CLIP1: variants seen among roughly 807,000 people sequenced by gnomAD.
CLIP1 encodes the protein CAP-Gly domain containing linker protein 1, also known as CAP-Gly domain-containing linker protein 1.
A neutral mutation model predicts 161.6 loss-of-function variants in CLIP1; 66 were observed. The ratio of observed to expected loss-of-function variants is 0.41; its 90% CI spans 0.33 to 0.50. The LOEUF (loss-of-function observed/expected upper bound fraction) is 0.50, where lower values mean the gene tolerates loss of function less well. Among genes scored for constraint, CLIP1 ranks in the 20% least tolerant of loss-of-function variants. The probability of loss-of-function intolerance (pLI) is 0.27; values close to 1 mark genes in which losing one functional copy is unlikely to be tolerated. For synonymous variants in CLIP1, 598 were observed against 626.2 expected (o/e 0.96, Z 0.67); for missense variants, 1,376 against 1,702.0 (o/e 0.81, Z 3.37).
At chr12:122,359,961 T>G (rs1246657473) in intron 5 of CLIP1, among the ~76,000 whole-genome samples, 1 of 152,212 alleles carries the variant, frequency 6.6e-6, no homozygotes, top group African/African-American at 2.4e-5. Context: ...GCTTTGACCC[T>G]AATAAAATAA....
chr12:122,288,412 A>T, intron 21 of CLIP1, 77 bp downstream of exon 21: 1 of 1,278,028 alleles, frequency 7.8e-7, no homozygotes, highest in Non-Finnish European at 1.1e-6. Flanking sequence ...CTTGTTTTCT[A>T]CTATAAGTTA....
intron 20 of CLIP1, among the ~76,000 whole-genome samples, chr12:122,290,815 C>CTAGGAGA (rs1950216944): frequency 6.6e-6 from 1 of 151,770 alleles, no homozygotes; most frequent in South Asian, 2.1e-4. Context: ...ATTACCCAAT[C>CTAGGAGA]TAGGAGATAG....
At chr12:122,413,723 A>G (rs957912869) in intron 1 of CLIP1, among the ~76,000 whole-genome samples, 2 of 152,212 alleles carry the variant, frequency 1.3e-5, no homozygotes, top group African/African-American at 4.8e-5. Context: ...ATTCTGTAAT[A>G]TGACTACTTC....
chr12:122,276,382 C>CCTCACACACACACA, intron 24 of CLIP1: 1 of 1,160,594 alleles, frequency 8.6e-7, no homozygotes, highest in Non-Finnish European at 1.1e-6. Flanking sequence ...TAGTGGGAAA[C>CCTCACACACACACA]CACACACACA....
chr12:122,334,035 T>C lies in CLIP1; in HGVS notation c.2702A>G (p.Asn901Ser). Residue 901 changes from asparagine (N) to serine (S), a missense_variant, in exon 14 of 26, where the codon AAC (asparagine) becomes AGC (serine). By Grantham distance (46) the Asn-to-Ser change is conservative. Coordinates refer to ENST00000620786, the MANE Select transcript of CLIP1 (RefSeq NM_001247997.2). ...LSSDLEKLRE[N>S]LADMEAKFRE... Reference sequence around the variant, plus strand: ...CAGAGATGTCTTCTTACCTGCTAAGTTTTCTCTCAGCTTCTCCAAGTCAGA... The same window carrying C: ...CAGAGATGTCTTCTTACCTGCTAAGCTTTCTCTCAGCTTCTCCAAGTCAGA... 1 of 1,608,892 alleles carries C rather than the reference T, an allele frequency of 6.2e-7. No individual in the cohort carries two copies. Among genetic ancestry groups the C allele is most frequent in the Non-Finnish European group, 8.5e-7 (1 of 1,175,300 alleles).
intron 20 of CLIP1, among the ~76,000 whole-genome samples, chr12:122,292,559 T>C (rs886704219): frequency 2.6e-5 from 4 of 152,180 alleles, no homozygotes; most frequent in Non-Finnish European, 5.9e-5. Flanking sequence ...CATTTCTCTA[T>C]GCACTTCTGA....
chr12:122,286,215 G>A (rs748275161), intron 21 of CLIP1, among the ~76,000 whole-genome samples: 2 of 151,922 alleles, frequency 1.3e-5, no homozygotes, highest in Admixed American at 6.6e-5. Flanking sequence ...AATAAAAACC[G>A]CACATTTTAA....
At chr12:122,306,970 G>A (rs1377550104) in intron 20 of CLIP1, among the ~76,000 whole-genome samples, 2 of 143,936 alleles carry the variant, frequency 1.4e-5, no homozygotes, top group African/African-American at 5.3e-5. Flanking sequence ...CTCCTCCACT[G>A]CCTATCTGTG....
chr12:122,412,379 G>A (rs1181322163), intron 1 of CLIP1, among the ~76,000 whole-genome samples: 1 of 149,880 alleles, frequency 6.7e-6, no homozygotes, highest in Non-Finnish European at 1.5e-5. Context: ...CTGAGGCCAG[G>A]CGTGGTGGCT....
At chr12:122,318,437 G>T (rs1308892498) in intron 18 of CLIP1, among the ~76,000 whole-genome samples, 1 of 152,160 alleles carries the variant, frequency 6.6e-6, no homozygotes, top group African/African-American at 2.4e-5. Context: ...GGAGGCTGAG[G>T]CAGGAGAATC....
At chr12:122,313,852 G>A (rs1292794755) in intron 19 of CLIP1, among the ~76,000 whole-genome samples, 1 of 152,038 alleles carries the variant, frequency 6.6e-6, no homozygotes, top group Admixed American at 6.6e-5. Flanking sequence ...TACTAGTAAT[G>A]ACCGCAACAA....
intron 14 of CLIP1, among the ~76,000 whole-genome samples, chr12:122,333,663 C>T (rs1422696196): frequency 2.0e-5 from 3 of 152,140 alleles, no homozygotes; most frequent in Non-Finnish European, 4.4e-5. Flanking sequence ...GATCTGACTT[C>T]GTATTAAAAG....
chr12:122,349,886 GTTTT>G (rs1000111717), intron 9 of CLIP1, among the ~76,000 whole-genome samples: 1 of 118,452 alleles, frequency 8.4e-6, no homozygotes, highest in African/African-American at 3.1e-5. Context: ...TCAGTCTTGT[GTTTT>G]TTTGTTTTTT....
chr12:122,357,739 G>A (rs1340247631), intron 5 of CLIP1, among the ~76,000 whole-genome samples: 14 of 145,648 alleles, frequency 9.6e-5, no homozygotes, highest in Non-Finnish European at 1.7e-4. Flanking sequence ...GGTGAGGGGC[G>A]CCTCTGCCCG....
intron 1 of CLIP1, among the ~76,000 whole-genome samples, chr12:122,415,692 G>A (rs1956728696): frequency 6.6e-6 from 1 of 151,758 alleles, no homozygotes. Context: ...GGTGGAGTGT[G>A]CCTGTAATCC....
chr12:122,337,280 T>TCTA (rs1323297618), intron 11 of CLIP1, among the ~76,000 whole-genome samples: 1 of 151,746 alleles, frequency 6.6e-6, no homozygotes, highest in Non-Finnish European at 1.5e-5. Context: ...AAACCCTATC[T>TCTA]CTACTAAAAA....
chr12:122,418,401 A>G (rs1956825446), intron 1 of CLIP1, among the ~76,000 whole-genome samples: 1 of 152,212 alleles, frequency 6.6e-6, no homozygotes. Flanking sequence ...TTCATATCAA[A>G]GAAAAACACA....
chr12:122,333,051 T>C lies in CLIP1; in HGVS notation c.2803A>G (p.Lys935Glu). 1 of 1,613,748 alleles carries C rather than the reference T, an allele frequency of 6.2e-7. No homozygotes were observed. The highest frequency in any genetic ancestry group is 8.5e-7 in the Non-Finnish European group (1 of 1,179,716). The change falls in exon 15 of 26, where the codon AAG becomes GAG. Residue 935 changes from lysine to glutamate, a missense_variant. Physicochemically the swap from Lys to Glu is moderately conservative, Grantham distance 56. Coordinates refer to ENST00000620786, the MANE Select transcript of CLIP1 (RefSeq NM_001247997.2). ...KLENDIAEIM[K>E]MSGDNSSQLT... is the part of the protein sequence containing the mutation. ...TGAGAAGAGTTATCTCCTGACATCT[T>C]CATTATTTCTGCAATGTCATTTTCC... is the stretch of plus-strand genomic sequence containing the variant.
chr12:122,378,732 C>T (rs916002041), intron 2 of CLIP1, among the ~76,000 whole-genome samples: 4 of 152,104 alleles, frequency 2.6e-5, no homozygotes, highest in African/African-American at 7.2e-5. Flanking sequence ...CAGTGGCTCA[C>T]GCCTGTAATC....
Sources: allele counts gnomAD v4.1 joint callset (sites outside exome capture counted in the v4.1 genomes callset), GRCh38; gene constraint gnomAD v4.1.1; transcripts MANE v1.5; gene names NCBI Gene and HGNC (gene_info 2026-07-23, HGNC 2026-07-21).